Variants in NBAS observed in about 807,000 individuals in gnomAD.
The protein encoded by NBAS is NAG/BC035112 fusion.
Under a neutral mutation model 302.5 loss-of-function variants are expected in NBAS, and 219 were observed. That is an observed-to-expected ratio of 0.72 (90% CI 0.65 to 0.81). NBAS has a LOEUF of 0.81. Ranked by LOEUF, NBAS falls within the 30% of genes least tolerant of loss-of-function variation. NBAS has a pLI of 0.00. For synonymous variants in NBAS, 1,118 were observed against 1,021.6 expected (o/e 1.09, Z -1.80); for missense variants, 2,932 against 2,841.6 (o/e 1.03, Z -0.72).
At chr2:15,190,467 T>C (rs1469139233) in intron 48 of NBAS, 64 bp from the exon 49 acceptor site, 4 of 1,569,068 alleles carry the variant, frequency 2.5e-6, no homozygotes, top group Admixed American at 1.8e-5. Flanking sequence ...TATAGAATAA[T>C]TCTACTTTAT....
intron 36 of NBAS, among the ~76,000 whole-genome samples, chr2:15,329,220 G>A (rs959111825): frequency 8.5e-5 from 13 of 152,184 alleles, no homozygotes; most frequent in African/African-American, 3.1e-4. Flanking sequence ...CTAGGGAAAC[G>A]ATGAAGCTGC....
intron 28 of NBAS, among the ~76,000 whole-genome samples, chr2:15,383,523 T>C (rs781253587): frequency 2.6e-5 from 4 of 152,176 alleles, no homozygotes; most frequent in Admixed American, 6.5e-5. Flanking sequence ...TGGGCAGCTA[T>C]GCATCACTGC....
intron 44 of NBAS, among the ~76,000 whole-genome samples, chr2:15,260,300 T>G (rs1401066127): frequency 6.6e-6 from 1 of 152,232 alleles, no homozygotes; most frequent in Non-Finnish European, 1.5e-5. Context: ...TCAGACCACC[T>G]GTATTGAAAT....
At chr2:15,085,441 C>G in the NBAS span, among the ~76,000 whole-genome samples, 1 of 152,252 alleles carries the variant, frequency 6.6e-6, no homozygotes, top group African/African-American at 2.4e-5. Flanking sequence ...TCCCCTCAGC[C>G]CAGGGCCACC....
chr2:15,408,367 T>C (rs1046320346), intron 25 of NBAS, among the ~76,000 whole-genome samples: 1 of 152,232 alleles, frequency 6.6e-6, no homozygotes, highest in Non-Finnish European at 1.5e-5. Flanking sequence ...ACCTTGCTTT[T>C]AATACTTCCC....
At chr2:15,496,789 T>A (rs1681090045) in intron 11 of NBAS, among the ~76,000 whole-genome samples, 1 of 152,170 alleles carries the variant, frequency 6.6e-6, no homozygotes, top group Non-Finnish European at 1.5e-5. Context: ...AAAACAGATG[T>A]GAATCTAGCT....
At chr2:15,328,371 A>G in intron 36 of NBAS, 59 bp from the exon 37 acceptor site, 1 of 1,392,918 alleles carries the variant, frequency 7.2e-7, no homozygotes, top group Non-Finnish European at 1.0e-6. Flanking sequence ...AAGGAGGTAG[A>G]AGAAGTAAAA....
the NBAS span, among the ~76,000 whole-genome samples, chr2:14,915,950 T>C: frequency 2.6e-5 from 4 of 152,170 alleles, no homozygotes; most frequent in African/African-American, 9.7e-5. Flanking sequence ...TCTCCTTGCC[T>C]ACTGCCATGA....
chr2:15,495,181 G>A (rs1341492514), intron 11 of NBAS, among the ~76,000 whole-genome samples: 2 of 152,108 alleles, frequency 1.3e-5, no homozygotes, highest in African/African-American at 4.8e-5. Flanking sequence ...TGGAGCAATC[G>A]GCACTCTATA....
chr2:14,896,260 C>A, the NBAS span, among the ~76,000 whole-genome samples: 2 of 152,026 alleles, frequency 1.3e-5, no homozygotes, highest in Non-Finnish European at 2.9e-5. Context: ...ATATTAGAGG[C>A]CTTTCTTCAG....
intron 44 of NBAS, among the ~76,000 whole-genome samples, chr2:15,266,279 TG>T (rs1185906609): frequency 3.8e-4 from 58 of 152,210 alleles, no homozygotes; most frequent in African/African-American, 1.2e-3. Context: ...TGAGAACTGA[TG>T]AATACAGCAG....
chr2:15,394,762 G>C (rs1252882000), intron 27 of NBAS, among the ~76,000 whole-genome samples: 3 of 152,054 alleles, frequency 2.0e-5, no homozygotes, highest in African/African-American at 4.8e-5. Context: ...AAGAATGTTA[G>C]AGTTAGACGA....
chr2:15,394,799 T>C (rs1023328902), intron 27 of NBAS, among the ~76,000 whole-genome samples: 1 of 152,076 alleles, frequency 6.6e-6, no homozygotes, highest in African/African-American at 2.4e-5. Flanking sequence ...TCATTCTCTG[T>C]CAAGAATCCA....
the NBAS span, among the ~76,000 whole-genome samples, chr2:14,847,573 C>A: frequency 2.7e-5 from 4 of 149,972 alleles, no homozygotes; most frequent in East Asian, 7.8e-4. Flanking sequence ...GGGGTCAATT[C>A]AGCAAGAAGA....
chr2:14,981,562 C>G, the NBAS span, among the ~76,000 whole-genome samples: 450 of 152,314 alleles, frequency 3.0e-3, 3 homozygotes, highest in Middle Eastern at 0.01. Context: ...TGGGTACCTG[C>G]TACCCAGCCA....
intron 9 of NBAS, among the ~76,000 whole-genome samples, chr2:15,530,315 TAAGA>T (rs1663159950): frequency 6.6e-6 from 1 of 152,012 alleles, no homozygotes; most frequent in Non-Finnish European, 1.5e-5. Context: ...TCTCTTTCCT[TAAGA>T]AAGATTTTTA....
the NBAS span, among the ~76,000 whole-genome samples, chr2:15,114,864 TAAAC>T: frequency 3.3e-5 from 5 of 152,206 alleles, no homozygotes; most frequent in Non-Finnish European, 2.9e-5. Context: ...AATAGGAAGA[TAAAC>T]ATATTATGAT....
chr2:14,904,023 T>C, the NBAS span, among the ~76,000 whole-genome samples: 9 of 152,240 alleles, frequency 5.9e-5, no homozygotes, highest in African/African-American at 2.2e-4. Context: ...CGCTCCCTTC[T>C]GGACACTCAG....
the NBAS span, among the ~76,000 whole-genome samples, chr2:15,002,081 G>A: frequency 6.6e-6 from 1 of 152,154 alleles, no homozygotes; most frequent in African/African-American, 2.4e-5. Flanking sequence ...GGTTCTCCAC[G>A]TCCCCACTAG....
Sources: allele counts gnomAD v4.1 joint callset (sites outside exome capture counted in the v4.1 genomes callset), GRCh38; gene constraint gnomAD v4.1.1; transcripts MANE v1.5; gene names NCBI Gene and HGNC (gene_info 2026-07-23, HGNC 2026-07-21).